FER: variants seen among roughly 807,000 people sequenced by gnomAD.
The protein encoded by FER is FER tyrosine kinase.
Under a neutral mutation model 111.0 loss-of-function variants are expected in FER, and 63 were observed. The observed-to-expected ratio is 0.57, with a 90% CI of 0.46 to 0.70. FER has a LOEUF of 0.70. Ranked by LOEUF, FER falls within the 30% of genes least tolerant of loss-of-function variation. The pLI is 0.00. For missense variants in FER, 914 were observed against 954.0 expected (o/e 0.96, Z 0.55); for synonymous variants, 327 against 313.9 (o/e 1.04, Z -0.44).
At chr5:109,115,821 C>T (rs903545377) in intron 17 of FER, among the ~76,000 whole-genome samples, 3 of 152,046 alleles carry the variant, frequency 2.0e-5, no homozygotes, top group Non-Finnish European at 2.9e-5. Context: ...AAATCACTTA[C>T]ACAAATACTA....
intron 13 of FER, among the ~76,000 whole-genome samples, chr5:109,020,598 C>T (rs1283966988): frequency 3.9e-5 from 6 of 151,924 alleles, no homozygotes; most frequent in African/African-American, 1.4e-4. Flanking sequence ...TGGAAATCTT[C>T]CCTAATTAGA....
chr5:109,186,393 G>C, intron 19 of FER, 71 bp downstream of exon 19: 6 of 1,608,044 alleles, frequency 3.7e-6, no homozygotes, highest in African/African-American at 1.3e-5. Context: ...TAGTGTGTCT[G>C]CTTGAGGAGG....
chr5:108,953,113 A>G (rs1248864600), intron 11 of FER, among the ~76,000 whole-genome samples: 1 of 151,990 alleles, frequency 6.6e-6, no homozygotes, highest in Non-Finnish European at 1.5e-5. Flanking sequence ...TTGATTATAA[A>G]AATAGAAAAC....
At position 109,100,476 on chromosome 5, in the gene FER, G is replaced by T. The variant is rs755617134; in HGVS notation, c.2005G>T (p.Ala669Ser). The T allele has an allele frequency of 9.3e-6, 15 of 1,611,426 alleles. No homozygotes were observed. The highest frequency in any genetic ancestry group is 1.3e-5 in the Non-Finnish European group (15 of 1,178,072). Reference sequence around the variant, plus strand: ...GTTAGTGAAATTTTCATTAGACGCTGCTGCTGGTATGTTGTATCTCGAGAG... The same window carrying T: ...GTTAGTGAAATTTTCATTAGACGCTTCTGCTGGTATGTTGTATCTCGAGAG... ...KQLVKFSLDA[A>S]AGMLYLESKN... The change falls in exon 17 of 20, where the codon GCT becomes TCT. Residue 669 changes from alanine (A) to serine (S), a missense_variant. Around this residue, in one of 3 missense-constraint regions of FER, gnomAD observed 774 missense variants for 782.6 expected, o/e 0.99. Transcript: ENST00000281092.
intron 2 of FER, among the ~76,000 whole-genome samples, chr5:108,795,565 T>C (rs1237747026): frequency 1.3e-5 from 2 of 152,094 alleles, no homozygotes; most frequent in Non-Finnish European, 2.9e-5. Context: ...TTAATTGTTG[T>C]TGTTCCCTCT....
At chr5:108,970,277 G>A (rs1760461469) in intron 13 of FER, among the ~76,000 whole-genome samples, 2 of 151,514 alleles carry the variant, frequency 1.3e-5, no homozygotes, top group African/African-American at 2.4e-5. Context: ...GTGCAGTGGC[G>A]CAATCTTGGC....
In FER at chr5:108,959,240, G is replaced by T; in HGVS notation, c.1549G>T (p.Glu517Ter). Residue 517 changes from glutamate to a stop codon, truncating the protein, a stop_gained, in exon 13 of 20, where the codon GAG becomes TAG. Transcript: ENST00000281092. LOFTEE classifies it high-confidence loss of function. Reference sequence around the variant, plus strand: ...CTCTCTCCAGAACATGTATCGATTCGAGGGCACTGGGTTTTCAAACATTCC... The same window carrying T: ...CTCTCTCCAGAACATGTATCGATTCTAGGGCACTGGGTTTTCAAACATTCC... ...IQYVDNMYRF[E>*]GTGFSNIPQL... 3 of 1,611,116 alleles carry T rather than the reference G, an allele frequency of 1.9e-6. No individual in the cohort carries two copies. The highest frequency in any genetic ancestry group is 2.5e-6 in the Non-Finnish European group (3 of 1,178,324).
At chr5:109,151,139 T>C (rs1254292794) in intron 17 of FER, among the ~76,000 whole-genome samples, 1 of 152,136 alleles carries the variant, frequency 6.6e-6, no homozygotes, top group Non-Finnish European at 1.5e-5. Flanking sequence ...CTATACTTTT[T>C]TGATGGAGGT....
intron 17 of FER, among the ~76,000 whole-genome samples, chr5:109,111,917 A>G (rs1256167583): frequency 2.0e-5 from 3 of 152,156 alleles, no homozygotes; most frequent in African/African-American, 7.2e-5. Context: ...CTTGCATAAA[A>G]TAACTTAGAA....
At chr5:108,772,490 G>A (rs1753036346) in intron 2 of FER, among the ~76,000 whole-genome samples, 1 of 150,698 alleles carries the variant, frequency 6.6e-6, no homozygotes, top group Non-Finnish European at 1.5e-5. Context: ...GATAAGATTT[G>A]TATGTACTTA....
intron 10 of FER, among the ~76,000 whole-genome samples, chr5:108,908,837 T>C (rs1026423720): frequency 3.9e-5 from 6 of 152,126 alleles, no homozygotes; most frequent in African/African-American, 1.4e-4. Context: ...TCAGAAGTTC[T>C]AGACTAGCCT....
rs528338741 is a variant in FER at position 108,765,754 on chromosome 5, C to A, written c.-205-2339C>A. Reference sequence around the variant, plus strand: ...TAGAGAAGAGAGTTTAAACATTTTTCATATTAATTGGATGATCTAGTAATT... The same window carrying A: ...TAGAGAAGAGAGTTTAAACATTTTTAATATTAATTGGATGATCTAGTAATT... On this transcript the variant is annotated intron_variant, in intron 1 of 19. Coordinates refer to ENST00000281092, the MANE Select transcript of FER (RefSeq NM_005246.4). Among the ~76,000 whole-genome samples the A allele has an allele frequency of 1.4e-3, 219 of 152,164 alleles. 1 individual carries two copies. The highest frequency in any genetic ancestry group is 2.4e-3 in the Non-Finnish European group (166 of 67,996).
intron 17 of FER, among the ~76,000 whole-genome samples, chr5:109,117,257 A>G (rs1750360728): frequency 6.6e-6 from 1 of 152,156 alleles, no homozygotes; most frequent in Admixed American, 6.6e-5. Flanking sequence ...TTCTCTGTAC[A>G]TTGGATGAAA....
chr5:108,966,844 A>C (rs1581432002), intron 13 of FER, among the ~76,000 whole-genome samples: 3 of 152,198 alleles, frequency 2.0e-5, no homozygotes, highest in Admixed American at 2.0e-4. Flanking sequence ...GAAGCCATAG[A>C]ACAGTAACAA....
chr5:108,965,196 T>A (rs1437820915), intron 13 of FER, among the ~76,000 whole-genome samples: 3 of 152,188 alleles, frequency 2.0e-5, no homozygotes, highest in Non-Finnish European at 4.4e-5. Context: ...CAGGAATATA[T>A]AAATCTCCAT....
At chr5:108,783,780 G>A (rs893253748) in intron 2 of FER, among the ~76,000 whole-genome samples, 11 of 152,108 alleles carry the variant, frequency 7.2e-5, no homozygotes, top group Non-Finnish European at 1.6e-4. Flanking sequence ...TTCTTAGGCT[G>A]AGTTAGTGTA....
At chr5:108,939,714 A>C (rs1409928833) in intron 10 of FER, among the ~76,000 whole-genome samples, 3 of 151,972 alleles carry the variant, frequency 2.0e-5, no homozygotes, top group Non-Finnish European at 4.4e-5. Flanking sequence ...TTATTTAAAA[A>C]TTTTAATTTT....
At chr5:108,906,710 GA>G (rs1177056444) in intron 10 of FER, among the ~76,000 whole-genome samples, 23 of 151,324 alleles carry the variant, frequency 1.5e-4, no homozygotes, top group African/African-American at 5.3e-4. Context: ...TTGAATGAAA[GA>G]AAAAAATCCC....
At chr5:108,878,847 A>G (rs1261012524) in intron 8 of FER, among the ~76,000 whole-genome samples, 14 of 152,190 alleles carry the variant, frequency 9.2e-5, no homozygotes, top group Admixed American at 9.2e-4. Context: ...CTTTTGAAGC[A>G]TATATATGGG....
Sources: allele counts gnomAD v4.1 joint callset (sites outside exome capture counted in the v4.1 genomes callset), GRCh38; gene constraint gnomAD v4.1.1; regional missense constraint gnomAD v4.1.1; transcripts MANE v1.5; gene names NCBI Gene and HGNC (gene_info 2026-07-23, HGNC 2026-07-21).